Variants in TBC1D9 observed in about 807,000 individuals in gnomAD.
TBC1D9 encodes the protein TBC1 domain family member 9A.
Under a neutral mutation model 132.0 loss-of-function variants are expected in TBC1D9, and 63 were observed. The observed-to-expected ratio is 0.48, with a 90% CI of 0.39 to 0.59. The LOEUF (loss-of-function observed/expected upper bound fraction) is 0.59. Among genes scored for constraint, TBC1D9 ranks in the 20% least tolerant of loss-of-function variants. TBC1D9 has a pLI of 0.00. For synonymous variants in TBC1D9, 610 were observed against 609.9 expected (o/e 1.00, Z 0.00); for missense variants, 1,261 against 1,592.7 (o/e 0.79, Z 3.54).
intron 13 of TBC1D9, among the ~76,000 whole-genome samples, chr4:140,650,853 A>G (rs1737178001): frequency 6.6e-6 from 1 of 152,074 alleles, no homozygotes; most frequent in Non-Finnish European, 1.5e-5. Context: ...CTTTATATAC[A>G]CACCAATAAT....
intron 1 of TBC1D9, 117 bp from the exon 2 acceptor site, chr4:140,701,731 G>T: frequency 1.4e-6 from 1 of 714,500 alleles, no homozygotes; most frequent in Non-Finnish European, 2.3e-6. Flanking sequence ...ATCTCCCACT[G>T]AACCACACCT....
chr4:140,712,109 G>T (rs1162504213), intron 1 of TBC1D9: 2 of 152,146 alleles, frequency 1.3e-5, no homozygotes, highest in Admixed American at 1.3e-4. Flanking sequence ...ATAACCACAG[G>T]TTAGAAATCT....
intron 1 of TBC1D9, among the ~76,000 whole-genome samples, chr4:140,734,119 G>C (rs1375934218): frequency 6.6e-6 from 1 of 152,052 alleles, no homozygotes; most frequent in African/African-American, 2.4e-5. Context: ...AGTAGATGGA[G>C]GATACTTTGC....
rs547172893 is a variant in TBC1D9, at chr4:140,627,148, G to T, written c.2899+293C>A. ...CCAATTCTGGATGGCTGCCTAACAG[G>T]ATATTATTAATGAGGCTGATCCTGG... On this transcript the variant is annotated intron_variant, in intron 18 of 20. Coordinates refer to ENST00000442267, the MANE Select transcript of TBC1D9 (RefSeq NM_015130.3). 3.9e-5 allele frequency among the ~76,000 whole-genome samples: 6 copies of T among 152,272 alleles called. No individual in the cohort carries two copies. In the South Asian group the frequency reaches 1.2e-3, roughly 32 times the overall value.
At chr4:140,743,152 T>G (rs934662416) in intron 1 of TBC1D9, among the ~76,000 whole-genome samples, 1 of 152,214 alleles carries the variant, frequency 6.6e-6, no homozygotes, top group Non-Finnish European at 1.5e-5. Flanking sequence ...GTTGTCAAAC[T>G]GCCTAAATAT....
At chr4:140,642,979 G>C in intron 13 of TBC1D9, 1 of 681,572 alleles carries the variant, frequency 1.5e-6, no homozygotes, top group East Asian at 2.7e-5. Context: ...ACCTCGGCCC[G>C]CCACATTCTG....
Position 140,622,097 on chromosome 4 carries a change from T to C in TBC1D9, c.*98A>G. The C allele has an allele frequency of 6.9e-7, 1 of 1,446,614 alleles. No individual in the cohort carries two copies. 89.6% of individuals were successfully genotyped at this position (1,446,614 alleles called of 1,614,324 possible). A position where few individuals can be genotyped will look rare whatever the true frequency, so the allele number is the denominator to read the frequency against. On this transcript the variant is annotated 3_prime_UTR_variant, in exon 21 of 21. Coordinates refer to ENST00000442267, the MANE Select transcript of TBC1D9 (RefSeq NM_015130.3). ...AGGCTTCAAGCCAGGTACTAATAAA[T>C]ATTTAATTTAAAAGAAAGAAAGAAA...
chr4:140,657,206 T>C lies in TBC1D9; in HGVS notation c.2228A>G (p.Asn743Ser), dbSNP rs1183799870. Residue 743 changes from asparagine (N) to serine (S), a missense_variant, in exon 13 of 21, where the codon AAT becomes AGT. Physicochemically the swap from Asn to Ser is conservative, Grantham distance 46. Transcript: ENST00000442267. ...VLGRYLDSVT[N>S]KDSTLPPIPH... ...AATGGGAGGCAGTGTGCTGTCTTTA[T>C]TGGTCACACTGTCTAAATACCTGGA... 4 of 1,613,788 alleles carry C rather than the reference T, an allele frequency of 2.5e-6. No homozygotes were observed. The highest frequency in any genetic ancestry group is 2.5e-6 in the Non-Finnish European group (3 of 1,179,854).
At chr4:140,702,270 T>C (rs890976431) in intron 1 of TBC1D9, among the ~76,000 whole-genome samples, 2 of 152,234 alleles carry the variant, frequency 1.3e-5, no homozygotes, top group African/African-American at 4.8e-5. Flanking sequence ...CAGGCCCATG[T>C]GAAAACTTGT....
chr4:140,675,889 G>C (rs983760801), intron 6 of TBC1D9, among the ~76,000 whole-genome samples: 4 of 152,150 alleles, frequency 2.6e-5, no homozygotes, highest in Non-Finnish European at 4.4e-5. Context: ...CCTAGTTTCT[G>C]TATTTGATGC....
intron 1 of TBC1D9, among the ~76,000 whole-genome samples, chr4:140,716,866 A>C (rs987680652): frequency 6.6e-6 from 1 of 151,486 alleles, no homozygotes; most frequent in African/African-American, 2.4e-5. Context: ...TCTACAACCC[A>C]CTATGCTGAT....
intron 13 of TBC1D9, chr4:140,644,192 C>A (rs372575566): frequency 3.0e-6 from 1 of 336,368 alleles, no homozygotes; most frequent in East Asian, 7.0e-5. Flanking sequence ...GATACCTGGG[C>A]GGCATATCTG....
In TBC1D9 at chr4:140,622,223, T is replaced by C; in HGVS notation, c.3773A>G (p.Asp1258Gly). 5 of 1,588,584 alleles carry C rather than the reference T, an allele frequency of 3.1e-6. No homozygotes were observed. The highest frequency in any genetic ancestry group is 4.3e-6 in the Non-Finnish European group (5 of 1,159,208). The change falls in exon 21 of 21, where the codon GAC becomes GGC. Residue 1258 changes from aspartate to glycine, a missense_variant. Asp to Gly is a moderately conservative substitution (Grantham distance 94). Around this residue, in one of 3 missense-constraint regions of TBC1D9, gnomAD observed 618 missense variants for 724.4 expected, o/e 0.85. Transcript: ENST00000442267. ...MMGKPLTSAS[D>G]YEISAMSG ...GCCGGACATGGCCGAGATTTCATAG[T>C]CACTGGCCGAGGTGAGGGGCTTGCC... is the stretch of plus-strand genomic sequence containing the variant.
intron 16 of TBC1D9, among the ~76,000 whole-genome samples, chr4:140,631,593 T>C (rs1316499816): frequency 1.5e-5 from 2 of 129,120 alleles, no homozygotes; most frequent in African/African-American, 6.1e-5. Context: ...ATTCATTTTT[T>C]AGTTTTTCTT....
rs1736619837 is a variant in TBC1D9 at position 140,621,923 on chromosome 4, T to C, written c.*272A>G. Reference sequence around the variant, plus strand: ...ATAAGTTATAATACACACATATCACTGACAGATTCATCTTTTTGTTTTTTA... The same window carrying C: ...ATAAGTTATAATACACACATATCACCGACAGATTCATCTTTTTGTTTTTTA... On this transcript the variant is annotated 3_prime_UTR_variant, in exon 21 of 21. Coordinates refer to ENST00000442267, the MANE Select transcript of TBC1D9 (RefSeq NM_015130.3). 1.7e-5 allele frequency: 6 copies of C among 354,626 alleles called. No homozygotes were observed. Among genetic ancestry groups the C allele is most frequent in the Non-Finnish European group, 3.0e-5 (6 of 200,316 alleles). The allele number at this position is 354,626 out of a possible 1,614,324, so 22.0% of individuals were successfully genotyped here. A position where few individuals can be genotyped will look rare whatever the true frequency, so the allele number is the denominator to read the frequency against.
chr4:140,737,919 T>C (rs1738700789), intron 1 of TBC1D9, among the ~76,000 whole-genome samples: 2 of 152,176 alleles, frequency 1.3e-5, no homozygotes, highest in Non-Finnish European at 2.9e-5. Flanking sequence ...TCCACCAATC[T>C]TGTATATAAT....
intron 9 of TBC1D9, among the ~76,000 whole-genome samples, chr4:140,662,599 A>G (rs573586218): frequency 1.3e-5 from 2 of 152,328 alleles, no homozygotes; most frequent in African/African-American, 4.8e-5. Flanking sequence ...TGAAGGGTTT[A>G]ATAGCCATAT....
intron 1 of TBC1D9, among the ~76,000 whole-genome samples, chr4:140,729,005 TA>T (rs993336484): frequency 6.6e-6 from 1 of 152,162 alleles, no homozygotes; most frequent in Non-Finnish European, 1.5e-5. Flanking sequence ...ACATGGAAGG[TA>T]AATAAATTTT....
At chr4:140,698,525 G>A (rs529589821) in intron 2 of TBC1D9, among the ~76,000 whole-genome samples, 51 of 152,190 alleles carry the variant, frequency 3.4e-4, no homozygotes, top group Middle Eastern at 3.4e-3. Context: ...CGAGGTGGGC[G>A]GATCATGAGA....
Sources: gnomAD v4.1 joint callset for allele counts (sites outside exome capture counted in the v4.1 genomes callset) on GRCh38, gnomAD v4.1.1 for gene constraint, gnomAD v4.1.1 regional missense constraint, MANE v1.5 for transcripts, NCBI Gene and HGNC (gene_info 2026-07-23, HGNC 2026-07-21) for gene names.